Variants in MOV10L1 observed in about 807,000 individuals in gnomAD.
The protein encoded by MOV10L1 is Mov10 like RNA helicase 1.
In MOV10L1, 110 loss-of-function variants were observed where a neutral mutation model predicts 143.8. The observed-to-expected ratio is 0.76, with a 90% confidence interval of 0.66 to 0.90. The LOEUF (loss-of-function observed/expected upper bound fraction) is 0.90. MOV10L1 is among the 40% of genes least tolerant of loss of function. The pLI is 0.00. For missense variants in MOV10L1, 1,406 were observed against 1,526.8 expected (o/e 0.92, Z 1.32); for synonymous variants, 593 against 581.1 (o/e 1.02, Z -0.29).
rs2061940529 is a variant in MOV10L1 at position 50,108,680 on chromosome 22, A to G, written c.579A>G (p.Gly193=). The G allele has an allele frequency of 6.8e-6, 11 of 1,613,958 alleles. No individual in the cohort carries two copies. The highest frequency in any genetic ancestry group is 9.3e-6 in the Non-Finnish European group (11 of 1,180,002). ...VDKVCISSLC[G]RNGVLEESIF... is the part of the protein sequence containing the mutation. ...AGGTCTGCATCTCTAGCCTCTGTGG[A>G]AGGAACGGGGTGTTAGAGGAAAGCA... The change falls in exon 5 of 27, where the codon GGA becomes GGG. Residue 193 remains glycine (G), a synonymous_variant. Transcript: ENST00000262794.
intron 3 of MOV10L1, among the ~76,000 whole-genome samples, chr22:50,100,207 G>A (rs1391943677): frequency 1.3e-5 from 2 of 152,076 alleles, no homozygotes; most frequent in African/African-American, 4.8e-5. Context: ...TGGCCGGGCT[G>A]GTCTCGAACT....
intron 12 of MOV10L1, 69 bp downstream of exon 12, chr22:50,126,341 C>G (rs1166549321): frequency 8.6e-7 from 1 of 1,167,264 alleles, no homozygotes; most frequent in African/African-American, 1.5e-5. Flanking sequence ...AGGTAACGTT[C>G]TCCCCACGGC....
chr22:50,125,951 C>T (rs9617087), intron 11 of MOV10L1, among the ~76,000 whole-genome samples: 33,702 of 150,368 alleles, frequency 0.22, 4,147 homozygotes, highest in Admixed American at 0.35. Context: ...CCACACCCGG[C>T]TGATTTTTTT....
At chr22:50,123,150 C>A (rs546451388) in intron 10 of MOV10L1, among the ~76,000 whole-genome samples, 3 of 146,796 alleles carry the variant, frequency 2.0e-5, no homozygotes, top group African/African-American at 7.5e-5. Flanking sequence ...GAGCTGAGAT[C>A]GCACCATTGC....
At chr22:50,156,527 T>C (rs2063432354) in intron 22 of MOV10L1, among the ~76,000 whole-genome samples, 1 of 152,208 alleles carries the variant, frequency 6.6e-6, no homozygotes, top group Admixed American at 6.5e-5. Flanking sequence ...ACAGTAACTT[T>C]CTTCCCTGCA....
At chr22:50,131,991 T>C (rs2062691614) in intron 13 of MOV10L1, among the ~76,000 whole-genome samples, 1 of 152,212 alleles carries the variant, frequency 6.6e-6, no homozygotes, top group Non-Finnish European at 1.5e-5. Flanking sequence ...GCTTCCTGGT[T>C]CGTAGGCGGC....
At chr22:50,114,765 G>A (rs917442218) in intron 7 of MOV10L1, 143 bp downstream of exon 7, 8 of 1,281,654 alleles carry the variant, frequency 6.2e-6, no homozygotes, top group Non-Finnish European at 8.5e-6. Flanking sequence ...TCGGCTTCAG[G>A]CCCTTCTCTT....
chr22:50,098,241 A>ATAATTATTAAGATTAACATCTTAATAG (rs2062643846), intron 2 of MOV10L1, among the ~76,000 whole-genome samples: 3 of 147,180 alleles, frequency 2.0e-5, no homozygotes, highest in Non-Finnish European at 4.5e-5. Flanking sequence ...CATCTTAATA[A>ATAATTATTAAGATTAACATCTTAATAG]TAATTATTAA....
rs1348378401 is a variant in MOV10L1 at position 50,160,968 on chromosome 22, CCT to C, written c.3468_3469del (p.Cys1157PhefsTer60). On this transcript the variant is annotated frameshift_variant, in exon 26 of 27. Coordinates refer to ENST00000262794, the MANE Select transcript of MOV10L1 (RefSeq NM_018995.3). LOFTEE classifies it high-confidence loss of function. ...GCTAATTGTTATTGCCAACAGGACC[CCT>C]GTTTTGGTGCTTTGCTGGAATACAG... 4.3e-6 allele frequency: 7 copies of C among 1,614,040 alleles called. No individual in the cohort carries two copies. Among genetic ancestry groups the C allele is most frequent in the Non-Finnish European group, 5.1e-6 (6 of 1,180,018 alleles).
chr22:50,114,539 T>C lies in MOV10L1; in HGVS notation c.1043T>C (p.Ile348Thr), dbSNP rs765064947. 1.9e-6 allele frequency: 3 copies of C among 1,614,198 alleles called. No homozygotes were observed. Among genetic ancestry groups the C allele is most frequent in the Middle Eastern group, 1.6e-4 (1 of 6,062 alleles). The change falls in exon 7 of 27, where the codon ATT (isoleucine) becomes ACT (threonine). Residue 348 changes from isoleucine to threonine, a missense_variant. Around this residue, in one of 3 missense-constraint regions of MOV10L1, gnomAD observed 1,233 missense variants for 1,351.4 expected, o/e 0.91. Coordinates refer to ENST00000262794, the MANE Select transcript of MOV10L1 (RefSeq NM_018995.3). ...PEKENSSDEN[I>T]NSLNSHTKNK... Reference sequence around the variant, plus strand: ...AAGGAGAATTCATCAGATGAAAATATTAATTCATTAAATAGCCACACAAAA... The same window carrying C: ...AAGGAGAATTCATCAGATGAAAATACTAATTCATTAAATAGCCACACAAAA...
intron 22 of MOV10L1, among the ~76,000 whole-genome samples, chr22:50,154,310 A>G (rs974319443): frequency 6.6e-6 from 1 of 152,078 alleles, no homozygotes; most frequent in Non-Finnish European, 1.5e-5. Flanking sequence ...TAACCCCAGC[A>G]CTTTGGGAGG....
intron 2 of MOV10L1, chr22:50,093,903 G>A (rs1270607430): frequency 6.6e-6 from 1 of 152,228 alleles, no homozygotes; most frequent in Non-Finnish European, 1.5e-5. Flanking sequence ...CTAATGGCTA[G>A]CCAGTCATCT....
At chr22:50,102,729 C>G (rs2061776535) in intron 3 of MOV10L1, among the ~76,000 whole-genome samples, 2 of 152,132 alleles carry the variant, frequency 1.3e-5, no homozygotes, top group Admixed American at 6.6e-5. Flanking sequence ...TGGAGAAACC[C>G]CGTCTCTACT....
intron 17 of MOV10L1, 27 bp downstream of exon 17, chr22:50,143,248 G>C: frequency 6.2e-7 from 1 of 1,609,944 alleles, no homozygotes; most frequent in Non-Finnish European, 8.5e-7. Context: ...CGCGGGTGCT[G>C]TGGCTCTGTG....
chr22:50,153,711 C>G (rs879384037), intron 22 of MOV10L1, among the ~76,000 whole-genome samples: 1 of 152,228 alleles, frequency 6.6e-6, no homozygotes, highest in Non-Finnish European at 1.5e-5. Context: ...CACCCCCTCT[C>G]CAAGGCCTCG....
chr22:50,092,037 C>A lies in MOV10L1; in HGVS notation c.134C>A (p.Thr45Lys), dbSNP rs1177509373. The change falls in exon 2 of 27, where the codon ACA (threonine) becomes AAA (lysine). Residue 45 changes from threonine (T) to lysine (K), a missense_variant. Coordinates refer to ENST00000262794, the MANE Select transcript of MOV10L1 (RefSeq NM_018995.3). ...TKLKTVRGVV[T>K]RYCSDYGMID... ...CTGAAAACTGTACGGGGTGTCGTGA[C>A]AAGGTACTGCAGCGATTATGGCATG... 2 of 1,614,068 alleles carry A rather than the reference C, an allele frequency of 1.2e-6. No individual in the cohort carries two copies. The highest frequency in any genetic ancestry group is 1.7e-5 in the Admixed American group (1 of 59,996).
intron 2 of MOV10L1, among the ~76,000 whole-genome samples, chr22:50,092,580 A>G (rs1254730810): frequency 6.6e-6 from 1 of 152,160 alleles, no homozygotes; most frequent in African/African-American, 2.4e-5. Context: ...CAAGGCTGCA[A>G]TGAGTTATGA....
intron 3 of MOV10L1, among the ~76,000 whole-genome samples, chr22:50,104,537 G>GAAGGA (rs944183141): frequency 2.0e-5 from 3 of 152,210 alleles, no homozygotes; most frequent in African/African-American, 7.2e-5. Context: ...ACACGTTTGA[G>GAAGGA]AAGGAAAGGG....
Position 50,114,453 on chromosome 22 carries a change from AT to A in MOV10L1, c.959del (p.Phe320SerfsTer32). 1.2e-6 allele frequency: 2 copies of A among 1,614,246 alleles called. No homozygotes were observed. The highest frequency in any genetic ancestry group is 1.6e-4 in the Middle Eastern group (1 of 6,062). On this transcript the variant is annotated frameshift_variant, in exon 7 of 27. Transcript: ENST00000262794. LOFTEE classifies it high-confidence loss of function. Reference protein sequence around the residue: ...AGWDKSKQFRFQMLDKDQMCP... With the variant: ...AGWDKSKQFRXQMLDKDQMCP... ...GCTGGGATAAATCTAAACAATTCAG[AT>A]TCCAAATGCTGGATAAAGACCAGAT...
Sources: allele counts gnomAD v4.1 joint callset (sites outside exome capture counted in the v4.1 genomes callset), GRCh38; gene constraint gnomAD v4.1.1; regional missense constraint gnomAD v4.1.1; transcripts MANE v1.5; gene names NCBI Gene and HGNC (gene_info 2026-07-23, HGNC 2026-07-21).